The following NKAIN3 variants were observed in gnomAD, a reference collection of about 807,000 sequenced individuals.
The protein encoded by NKAIN3 is sodium/potassium transporting ATPase interacting 3, also known as sodium/potassium-transporting ATPase subunit beta-1-interacting protein 3.
In NKAIN3, 25 loss-of-function variants were observed where a neutral mutation model predicts 30.2. That is an observed-to-expected ratio of 0.83 (90% CI 0.60 to 1.16). NKAIN3 has a LOEUF of 1.16. Ranked by LOEUF, NKAIN3 falls within the 50% of genes most tolerant of loss-of-function variation. NKAIN3 has a pLI of 0.00. For missense variants in NKAIN3, 225 were observed against 254.1 expected (o/e 0.89, Z 0.78); for synonymous variants, 91 against 89.6 (o/e 1.02, Z -0.09).
chr8:62,780,167 A>G lies in NKAIN3; in HGVS notation c.471+33038A>G, dbSNP rs145681980. On this transcript the variant is annotated intron_variant, in intron 4 of 6. Transcript: ENST00000623646. The stretch of plus-strand genomic sequence containing the variant: ...ATCAGAGACTATTATGAACCATTAT[A>G]AGCTAACAAACTGGAAAACCCTGAG... 7.6e-4 allele frequency among the ~76,000 whole-genome samples: 115 copies of G among 152,266 alleles called. 1 individual carries two copies. Among genetic ancestry groups the G allele is most frequent in the African/African-American group, 2.4e-3 (101 of 41,582 alleles).
At chr8:62,900,076 T>G (rs1237108723) in intron 4 of NKAIN3, among the ~76,000 whole-genome samples, 1 of 150,700 alleles carries the variant, frequency 6.6e-6, no homozygotes, top group Non-Finnish European at 1.5e-5. Context: ...TGAAAAAAAG[T>G]TCTGATTTCT....
chr8:62,865,786 A>T (rs1357377900), intron 4 of NKAIN3, among the ~76,000 whole-genome samples: 3 of 152,230 alleles, frequency 2.0e-5, no homozygotes, highest in Non-Finnish European at 2.9e-5. Flanking sequence ...ATTATAGTGT[A>T]TGTAAACACA....
chr8:62,619,199 T>C (rs867618189), intron 3 of NKAIN3, among the ~76,000 whole-genome samples: 4 of 152,188 alleles, frequency 2.6e-5, no homozygotes, highest in Admixed American at 1.3e-4. Flanking sequence ...CTTAGCTAAG[T>C]TGAACTTGAC....
At chr8:62,404,955 C>T (rs1319811656) in intron 1 of NKAIN3, among the ~76,000 whole-genome samples, 1 of 152,072 alleles carries the variant, frequency 6.6e-6, no homozygotes, top group Admixed American at 6.5e-5. Flanking sequence ...GGCCCAAGGA[C>T]TCTTTAGTCA....
intron 1 of NKAIN3, among the ~76,000 whole-genome samples, chr8:62,292,344 A>C (rs1203511734): frequency 4.6e-5 from 7 of 152,068 alleles, no homozygotes; most frequent in Non-Finnish European, 8.8e-5. Flanking sequence ...TGGTCTTTAC[A>C]ATTTTGCATG....
Position 62,895,373 on chromosome 8 carries a change from G to T in NKAIN3, c.472-23080G>T, listed in dbSNP as rs191587817. Among the ~76,000 whole-genome samples the T allele has an allele frequency of 3.8e-3, 583 of 152,318 alleles. 5 individuals are homozygous for T. Among genetic ancestry groups the T allele is most frequent in the Middle Eastern group, 6.8e-3 (2 of 294 alleles). ...TCCTGCACTCCTTGCTATGCAAAGA[G>T]GAGCAGTCACAAACCAGCAACATCA... On this transcript the variant is annotated intron_variant, in intron 4 of 6. Coordinates refer to ENST00000623646, the MANE Select transcript of NKAIN3 (RefSeq NM_001304533.3).
At chr8:62,667,248 G>GC (rs1235937179) in intron 3 of NKAIN3, among the ~76,000 whole-genome samples, 4 of 149,484 alleles carry the variant, frequency 2.7e-5, no homozygotes, top group African/African-American at 7.4e-5. Flanking sequence ...GTATACATAT[G>GC]TAACAAACCT....
At chr8:62,502,087 T>TC (rs1807472783) in intron 1 of NKAIN3, among the ~76,000 whole-genome samples, 2 of 152,314 alleles carry the variant, frequency 1.3e-5, no homozygotes, top group South Asian at 2.1e-4. Context: ...CACTTATGAC[T>TC]CATCCCTTGC....
chr8:62,965,499 G>A lies in NKAIN3; in HGVS notation c.*92G>A. The A allele has an allele frequency of 2.0e-6, 2 of 985,170 alleles. No individual in the cohort carries two copies. Among genetic ancestry groups the A allele is most frequent in the Middle Eastern group, 5.2e-4 (1 of 1,914 alleles). The allele number at this position is 985,170 out of a possible 1,614,324, so 61.0% of individuals were successfully genotyped here. On this transcript the variant is annotated 3_prime_UTR_variant, in exon 7 of 7. Coordinates refer to ENST00000623646, the MANE Select transcript of NKAIN3 (RefSeq NM_001304533.3). Reference sequence around the variant, plus strand: ...AGACTGTGCTTCCTGGCTTTCCCACGAATCATGGAGCATTTTGGTCACAGC... The same window carrying A: ...AGACTGTGCTTCCTGGCTTTCCCACAAATCATGGAGCATTTTGGTCACAGC...
At position 62,544,670 on chromosome 8, in the gene NKAIN3, T is replaced by G. The variant is rs549506845; in HGVS notation, c.55-34869T>G. On this transcript the variant is annotated intron_variant, in intron 1 of 6. Coordinates refer to ENST00000623646, the MANE Select transcript of NKAIN3 (RefSeq NM_001304533.3). ...AAGTATAGCCTCTTTAAAGTTTGTT[T>G]TATATTTTCCCAGACATCCTTCTAA... Among the ~76,000 whole-genome samples the G allele has an allele frequency of 3.9e-5, 6 of 152,026 alleles. 1 individual carries two copies. The highest frequency in any genetic ancestry group is 3.9e-4 in the Admixed American group (6 of 15,256).
chr8:62,953,437 A>AT (rs1174966062), intron 5 of NKAIN3, among the ~76,000 whole-genome samples: 1 of 152,186 alleles, frequency 6.6e-6, no homozygotes, highest in Non-Finnish European at 1.5e-5. Flanking sequence ...GCAGATGCCG[A>AT]TTTTTGGGGA....
intron 1 of NKAIN3, among the ~76,000 whole-genome samples, chr8:62,459,870 G>A (rs572521361): frequency 3.3e-5 from 5 of 152,272 alleles, no homozygotes; most frequent in African/African-American, 1.2e-4. Flanking sequence ...TATCATGTGG[G>A]ACTTTTAGGT....
chr8:62,567,166 G>C (rs1014617588), intron 1 of NKAIN3, among the ~76,000 whole-genome samples: 3 of 152,028 alleles, frequency 2.0e-5, no homozygotes, highest in African/African-American at 7.2e-5. Flanking sequence ...GATGGTGTGG[G>C]AGAAGTCCTG....
intron 1 of NKAIN3, among the ~76,000 whole-genome samples, chr8:62,330,416 C>A (rs1815303230): frequency 6.6e-6 from 1 of 151,844 alleles, no homozygotes; most frequent in African/African-American, 2.4e-5. Flanking sequence ...AGGGTAGTGG[C>A]AGTAGGAAAG....
At chr8:62,344,019 A>C (rs1015111746) in intron 1 of NKAIN3, among the ~76,000 whole-genome samples, 4 of 152,094 alleles carry the variant, frequency 2.6e-5, no homozygotes, top group African/African-American at 9.7e-5. Flanking sequence ...AATAGAAGAC[A>C]AGAAAGCAAA....
At chr8:62,604,284 A>T (rs901951605) in intron 3 of NKAIN3, among the ~76,000 whole-genome samples, 2 of 152,160 alleles carry the variant, frequency 1.3e-5, no homozygotes, top group Non-Finnish European at 2.9e-5. Flanking sequence ...AGAATGAGCT[A>T]GAATCGCCTT....
At chr8:62,615,853 G>A (rs72651575) in intron 3 of NKAIN3, among the ~76,000 whole-genome samples, 6,597 of 152,198 alleles carry the variant, frequency 0.043, 223 homozygotes, top group Non-Finnish European at 0.067. Context: ...GATAGGGAAA[G>A]GGTGGCATCT....
At chr8:62,922,372 T>C (rs1822306313) in intron 5 of NKAIN3, among the ~76,000 whole-genome samples, 1 of 152,022 alleles carries the variant, frequency 6.6e-6, no homozygotes, top group Non-Finnish European at 1.5e-5. Flanking sequence ...TATCTCCACC[T>C]AAGAATTTAT....
chr8:62,444,273 C>G (rs1282308906), intron 1 of NKAIN3, among the ~76,000 whole-genome samples: 3 of 152,094 alleles, frequency 2.0e-5, no homozygotes, highest in East Asian at 3.9e-4. Context: ...CTTCTAGCTA[C>G]TTTGAAATGT....
Sources: gnomAD v4.1 joint callset for allele counts (sites outside exome capture counted in the v4.1 genomes callset) on GRCh38, gnomAD v4.1.1 for gene constraint, MANE v1.5 for transcripts, NCBI Gene and HGNC (gene_info 2026-07-23, HGNC 2026-07-21) for gene names.